Variants in IMMP1L observed in about 807,000 individuals in gnomAD.
IMMP1L encodes mitochondrial inner membrane protease subunit 1.
A neutral mutation model predicts 21.8 loss-of-function variants in IMMP1L; 24 were observed. That is an observed-to-expected ratio of 1.10 (90% CI 0.80 to 1.55). IMMP1L has a LOEUF of 1.55. Among genes scored for constraint, IMMP1L ranks in the 40% most tolerant of loss-of-function variants. The pLI is 0.00. For synonymous variants in IMMP1L, 46 were observed against 62.8 expected (o/e 0.73, Z 1.26); for missense variants, 195 against 200.7 (o/e 0.97, Z 0.17).
At chr11:31,473,834 T>C (rs1435830599) in intron 1 of IMMP1L, 11 of 558,758 alleles carry the variant, frequency 2.0e-5, no homozygotes, top group East Asian at 2.9e-4. Context: ...AAAATATATA[T>C]ATACACATTA....
chr11:31,453,034 G>A (rs771695344), intron 4 of IMMP1L: 104 of 1,281,818 alleles, frequency 8.1e-5, no homozygotes, highest in Non-Finnish European at 1.0e-4. Context: ...TTACAGGCGT[G>A]AGCCACCGCG....
intron 1 of IMMP1L, among the ~76,000 whole-genome samples, chr11:31,508,810 G>GA (rs1160591163): frequency 4.7e-5 from 7 of 149,880 alleles, no homozygotes; most frequent in Non-Finnish European, 7.4e-5. Flanking sequence ...GCTCAGTTTT[G>GA]AAAAAAAAAT....
At chr11:31,471,720 G>A (rs1391309328) in intron 1 of IMMP1L, among the ~76,000 whole-genome samples, 7 of 152,128 alleles carry the variant, frequency 4.6e-5, no homozygotes, top group Non-Finnish European at 1.0e-4. Flanking sequence ...CTTATGAGCT[G>A]AGACTGGGAA....
intron 1 of IMMP1L, among the ~76,000 whole-genome samples, chr11:31,485,395 T>C (rs924195828): frequency 6.6e-6 from 1 of 151,892 alleles, no homozygotes; most frequent in African/African-American, 2.4e-5. Context: ...ATGTAAATGA[T>C]CATATTTATT....
At chr11:31,484,093 A>C (rs952290243) in intron 1 of IMMP1L, among the ~76,000 whole-genome samples, 1 of 151,930 alleles carries the variant, frequency 6.6e-6, no homozygotes, top group Non-Finnish European at 1.5e-5. Context: ...TAGAATAAAA[A>C]TAGCTAATTT....
intron 1 of IMMP1L, among the ~76,000 whole-genome samples, chr11:31,473,112 C>G (rs988520635): frequency 6.6e-6 from 1 of 152,116 alleles, no homozygotes; most frequent in Non-Finnish European, 1.5e-5. Flanking sequence ...TGTAGTGGCG[C>G]GATCTTGGCT....
intron 5 of IMMP1L, among the ~76,000 whole-genome samples, chr11:31,432,821 A>G (rs892006507): frequency 1.3e-5 from 2 of 152,214 alleles, no homozygotes; most frequent in Non-Finnish European, 2.9e-5. Context: ...GTGTGAATAA[A>G]TATGTATGAA....
At chr11:31,477,401 T>C (rs375225881) in intron 1 of IMMP1L, 2 of 294,720 alleles carry the variant, frequency 6.8e-6, no homozygotes, top group Middle Eastern at 1.7e-3. Context: ...TTGAATCATA[T>C]AGCTTAGTTT....
At chr11:31,493,944 T>G (rs1278018270) in intron 1 of IMMP1L, among the ~76,000 whole-genome samples, 1 of 152,210 alleles carries the variant, frequency 6.6e-6, no homozygotes, top group Non-Finnish European at 1.5e-5. Context: ...TCTACGGCTT[T>G]GCAGGGTACA....
intron 1 of IMMP1L, among the ~76,000 whole-genome samples, chr11:31,485,184 C>T (rs993549996): frequency 6.6e-5 from 10 of 151,682 alleles, no homozygotes; most frequent in African/African-American, 2.4e-4. Context: ...TTTTTAAAGC[C>T]GTAATTTCAA....
At chr11:31,459,813 T>C (rs1445109645) in intron 3 of IMMP1L, among the ~76,000 whole-genome samples, 4 of 152,146 alleles carry the variant, frequency 2.6e-5, no homozygotes, top group African/African-American at 9.7e-5. Flanking sequence ...AGGAGACTCA[T>C]AATATATACA....
intron 4 of IMMP1L, among the ~76,000 whole-genome samples, chr11:31,444,944 T>C (rs1259972426): frequency 1.3e-5 from 2 of 152,224 alleles, no homozygotes; most frequent in African/African-American, 4.8e-5. Flanking sequence ...GAAGCCAGTT[T>C]ATAGGCCTTT....
intron 1 of IMMP1L, among the ~76,000 whole-genome samples, chr11:31,502,109 A>C (rs955892264): frequency 1.3e-5 from 2 of 152,246 alleles, no homozygotes; most frequent in African/African-American, 4.8e-5. Flanking sequence ...GAACTGAGAG[A>C]AAATTCAAAG....
At chr11:31,467,999 C>G (rs1199094582) in intron 1 of IMMP1L, among the ~76,000 whole-genome samples, 2 of 151,914 alleles carry the variant, frequency 1.3e-5, no homozygotes, top group African/African-American at 4.8e-5. Flanking sequence ...ATATTGCAGA[C>G]ATTCAACAAG....
chr11:31,451,518 G>A (rs952627837), intron 4 of IMMP1L, among the ~76,000 whole-genome samples: 7 of 152,038 alleles, frequency 4.6e-5, no homozygotes, highest in Non-Finnish European at 1.0e-4. Flanking sequence ...GGAGAGTAAG[G>A]ATAACTCTAA....
At chr11:31,463,372 T>G in intron 1 of IMMP1L, 67 bp from the exon 2 acceptor site, 1 of 1,354,538 alleles carries the variant, frequency 7.4e-7, no homozygotes. Flanking sequence ...ATAACTATTG[T>G]AAAATATTTT....
Position 31,442,152 on chromosome 11 carries a change from C to T in IMMP1L, c.322-8582G>A, listed in dbSNP as rs148618449. 3.3e-5 allele frequency among the ~76,000 whole-genome samples: 5 copies of T among 152,210 alleles called. No homozygotes were observed. The South Asian group carries it at 6.2e-4, about 19-fold the overall frequency. ...AAATCATTCTTGTTTTTCCTTTCTA[C>T]GACAGAGGTTTACTTCCTGAGCTAG... On this transcript the variant is annotated intron_variant, in intron 4 of 5. Coordinates refer to ENST00000532287, the MANE Select transcript of IMMP1L (RefSeq NM_001304274.2).
intron 4 of IMMP1L, chr11:31,448,948 G>A (rs1334995050): frequency 1.5e-5 from 15 of 985,182 alleles, no homozygotes; most frequent in East Asian, 1.1e-4. Context: ...CGTCACCTCC[G>A]CAGTGAACTT....
At chr11:31,464,662 C>A (rs1305317978) in intron 1 of IMMP1L, among the ~76,000 whole-genome samples, 1 of 152,062 alleles carries the variant, frequency 6.6e-6, no homozygotes, top group Admixed American at 6.6e-5. Flanking sequence ...TGATATATAG[C>A]ACATCAACAG....
Sources: allele counts gnomAD v4.1 joint callset (sites outside exome capture counted in the v4.1 genomes callset), GRCh38; gene constraint gnomAD v4.1.1; transcripts MANE v1.5; gene names NCBI Gene and HGNC (gene_info 2026-07-23, HGNC 2026-07-21).